COL9A1: variants seen among roughly 807,000 people sequenced by gnomAD.
The protein encoded by COL9A1 is collagen type IX alpha 1 chain, also known as collagen alpha-1(IX) chain.
COL9A1 carries 104 observed loss-of-function variants against 142.6 expected under a neutral mutation model. The ratio of observed to expected loss-of-function variants is 0.73; its 90% CI spans 0.62 to 0.86. The LOEUF (loss-of-function observed/expected upper bound fraction) is 0.86, where lower values mean the gene tolerates loss of function less well. Ranked by LOEUF, COL9A1 falls within the 40% of genes least tolerant of loss-of-function variation. The pLI, the probability that COL9A1 is intolerant of heterozygous loss-of-function variation, is 0.00. For missense variants in COL9A1, 1,210 were observed against 1,176.6 expected, an observed-to-expected ratio of 1.03 and a Z score of -0.42; for synonymous variants, 466 against 396.0, an observed-to-expected ratio of 1.18 and a Z score of -2.10.
chr6:70,263,379 T>C (rs1771819036), intron 18 of COL9A1, 82 bp from the exon 19 acceptor site: 2 of 1,249,026 alleles, frequency 1.6e-6, no homozygotes, highest in Non-Finnish European at 2.3e-6. Flanking sequence ...GTCTAACTCA[T>C]TATGTTTTAA....
intron 27 of COL9A1, 29 bp from the exon 28 acceptor site, chr6:70,252,202 A>T: frequency 6.2e-7 from 1 of 1,614,174 alleles, no homozygotes; most frequent in Non-Finnish European, 8.5e-7. Flanking sequence ...GTAGAAAAAA[A>T]GTTAACACCT....
chr6:70,265,833 T>A (rs575779948), intron 18 of COL9A1, among the ~76,000 whole-genome samples: 2 of 152,204 alleles, frequency 1.3e-5, no homozygotes, highest in South Asian at 4.1e-4. Flanking sequence ...ACAAACTGAT[T>A]TTTAGCTAAG....
intron 36 of COL9A1, among the ~76,000 whole-genome samples, chr6:70,227,554 T>A (rs887697117): frequency 6.6e-6 from 1 of 151,636 alleles, no homozygotes; most frequent in Admixed American, 6.6e-5. Context: ...GATAAGAGTA[T>A]AAATTTGTAC....
intron 10 of COL9A1, chr6:70,280,305 C>T (rs1773063401): frequency 8.2e-7 from 1 of 1,218,922 alleles, no homozygotes; most frequent in African/African-American, 1.5e-5. Flanking sequence ...TCAAGTGCAT[C>T]TTTCTTTTTC....
chr6:70,239,995 T>C (rs942890481), intron 32 of COL9A1, among the ~76,000 whole-genome samples: 2 of 152,186 alleles, frequency 1.3e-5, no homozygotes, highest in Admixed American at 1.3e-4. Context: ...ATTTCTAGGA[T>C]TTTTTTCCTG....
chr6:70,223,992 G>A (rs1170345099), intron 37 of COL9A1, among the ~76,000 whole-genome samples: 1 of 152,044 alleles, frequency 6.6e-6, no homozygotes, highest in Non-Finnish European at 1.5e-5. Context: ...GATTTTGGAG[G>A]TGATCCCAGG....
intron 32 of COL9A1, among the ~76,000 whole-genome samples, chr6:70,240,361 C>T (rs183410424): frequency 2.0e-5 from 3 of 152,184 alleles, no homozygotes; most frequent in East Asian, 3.9e-4. Context: ...GTAAGAATCA[C>T]CTTGAATGTC....
At chr6:70,278,866 C>G (rs1562322325) in intron 10 of COL9A1, among the ~76,000 whole-genome samples, 1 of 152,060 alleles carries the variant, frequency 6.6e-6, no homozygotes, top group Non-Finnish European at 1.5e-5. Flanking sequence ...TAAGCAAAAC[C>G]AAGGATTGTC....
At chr6:70,302,197 T>C (rs1774091901) in intron 1 of COL9A1, 123 bp from the exon 2 acceptor site, 1 of 598,284 alleles carries the variant, frequency 1.7e-6, no homozygotes, top group Admixed American at 2.9e-5. Context: ...TAGTTTTTTT[T>C]TCATTTCTTT....
At chr6:70,269,951 C>T (rs962799292) in intron 15 of COL9A1, among the ~76,000 whole-genome samples, 89 of 152,014 alleles carry the variant, frequency 5.9e-4, no homozygotes, top group African/African-American at 2.1e-3. Context: ...TATGAATTAC[C>T]TTCCATTTAA....
chr6:70,277,878 A>G (rs1772873042), intron 10 of COL9A1, among the ~76,000 whole-genome samples: 1 of 152,224 alleles, frequency 6.6e-6, no homozygotes, highest in Non-Finnish European at 1.5e-5. Flanking sequence ...CTACCAGCAC[A>G]CTCAGGTTCA....
intron 7 of COL9A1, 85 bp from the exon 8 acceptor site, chr6:70,281,549 C>G (rs139992516): frequency 1.9e-6 from 2 of 1,063,134 alleles, no homozygotes; most frequent in Non-Finnish European, 2.7e-6. Context: ...CCCCCGCCTC[C>G]GTGGGGTAAA....
chr6:70,286,770 G>A (rs1213844019), intron 5 of COL9A1, among the ~76,000 whole-genome samples: 1 of 152,170 alleles, frequency 6.6e-6, no homozygotes, highest in East Asian at 1.9e-4. Context: ...ACTAAACCCG[G>A]CTGTTCCAGA....
chr6:70,229,486 C>T (rs1444843011), intron 36 of COL9A1, among the ~76,000 whole-genome samples: 1 of 152,124 alleles, frequency 6.6e-6, no homozygotes, highest in African/African-American at 2.4e-5. Flanking sequence ...TTCATTTATT[C>T]ATGAGCTATA....
chr6:70,269,975 A>G (rs1772284141), intron 15 of COL9A1, among the ~76,000 whole-genome samples: 1 of 152,234 alleles, frequency 6.6e-6, no homozygotes, highest in Non-Finnish European at 1.5e-5. Flanking sequence ...CATATTCTTT[A>G]AATTTTTCTT....
intron 36 of COL9A1, among the ~76,000 whole-genome samples, chr6:70,230,426 G>GA (rs988422416): frequency 7.9e-5 from 12 of 151,754 alleles, no homozygotes; most frequent in Admixed American, 2.0e-4. Context: ...AGGGTAGGGA[G>GA]AAAAAAAATC....
chr6:70,269,443 A>C (rs897423880), intron 16 of COL9A1, among the ~76,000 whole-genome samples, 190 bp downstream of exon 16: 1 of 152,244 alleles, frequency 6.6e-6, no homozygotes, highest in Non-Finnish European at 1.5e-5. Flanking sequence ...ATACATCTAT[A>C]ATGAAAAATT....
chr6:70,250,502 A>G (rs529968917), intron 28 of COL9A1, among the ~76,000 whole-genome samples: 2 of 152,330 alleles, frequency 1.3e-5, no homozygotes, highest in South Asian at 2.1e-4. Flanking sequence ...AGTGAGGGGC[A>G]TTATGAGCTG....
At chr6:70,262,456 G>T (rs547713756) in intron 19 of COL9A1, among the ~76,000 whole-genome samples, 3 of 152,296 alleles carry the variant, frequency 2.0e-5, no homozygotes, top group South Asian at 2.1e-4. Flanking sequence ...CAGTCCTGTG[G>T]AGAAGAGCAG....
Sources: allele counts gnomAD v4.1 joint callset (sites outside exome capture counted in the v4.1 genomes callset), GRCh38; gene constraint gnomAD v4.1.1; transcripts MANE v1.5; gene names NCBI Gene and HGNC (gene_info 2026-07-23, HGNC 2026-07-21).